Variants in TEAD1 observed in about 807,000 individuals in gnomAD.
TEAD1 encodes the protein transcriptional enhancer factor TEF-1.
In TEAD1, 9 loss-of-function variants were observed where a neutral mutation model predicts 54.9. The observed-to-expected ratio is 0.16, with a 90% CI of 0.10 to 0.29. TEAD1 has a LOEUF of 0.29. Ranked by LOEUF, TEAD1 falls within the 10% of genes least tolerant of loss-of-function variation. The pLI is 1.00. For synonymous variants in TEAD1, 200 were observed against 187.8 expected (o/e 1.07, Z -0.53); for missense variants, 387 against 535.9 (o/e 0.72, Z 2.74).
intron 2 of TEAD1, among the ~76,000 whole-genome samples, chr11:12,724,536 T>C (rs546409259): frequency 6.6e-6 from 1 of 152,334 alleles, no homozygotes; most frequent in East Asian, 1.9e-4. Flanking sequence ...TGATGACTCA[T>C]CCTCTGAATG....
intron 5 of TEAD1, among the ~76,000 whole-genome samples, chr11:12,873,092 T>A (rs556569597): frequency 6.6e-6 from 1 of 152,290 alleles, no homozygotes; most frequent in African/African-American, 2.4e-5. Flanking sequence ...TGGTCCAGGA[T>A]GAGGTTCATT....
At position 12,764,182 on chromosome 11, in the gene TEAD1, T is replaced by A; in HGVS notation, c.-51T>A. 1 of 1,588,192 alleles carries A rather than the reference T, an allele frequency of 6.3e-7. No individual in the cohort carries two copies. The highest frequency in any genetic ancestry group is 1.2e-5 in the South Asian group (1 of 86,886). On this transcript the variant is annotated 5_prime_UTR_variant, in exon 3 of 13. Transcript: ENST00000527636. ...TGTTTTTGGTTTTCTCTTCTAGGTT[T>A]ATTTTCTTGAAAAGGCTCCAGGCTT...
At chr11:12,767,175 C>G (rs989811662) in intron 3 of TEAD1, among the ~76,000 whole-genome samples, 1 of 152,144 alleles carries the variant, frequency 6.6e-6, no homozygotes, top group African/African-American at 2.4e-5. Flanking sequence ...GTTGAGGCCC[C>G]AGCCACTCGA....
intron 3 of TEAD1, among the ~76,000 whole-genome samples, chr11:12,781,867 C>T (rs1423572332): frequency 7.2e-6 from 1 of 139,240 alleles, no homozygotes; most frequent in Non-Finnish European, 1.5e-5. Flanking sequence ...TGGCTCCCAG[C>T]ACTTTGAGAG....
chr11:12,783,031 G>A (rs1564938113), intron 3 of TEAD1, among the ~76,000 whole-genome samples: 1 of 151,904 alleles, frequency 6.6e-6, no homozygotes, highest in African/African-American at 2.4e-5. Context: ...TCACAAAAGA[G>A]TAATCACCGT....
chr11:12,804,247 A>G (rs1477149742), intron 3 of TEAD1, among the ~76,000 whole-genome samples: 1 of 152,210 alleles, frequency 6.6e-6, no homozygotes, highest in East Asian at 1.9e-4. Context: ...CTTTGAATGC[A>G]TTCAGCAGAC....
intron 9 of TEAD1, among the ~76,000 whole-genome samples, chr11:12,895,647 T>A (rs1948300949): frequency 6.6e-6 from 1 of 152,248 alleles, no homozygotes; most frequent in Admixed American, 6.5e-5. Flanking sequence ...AAGATAGTTT[T>A]TGATTGGTGG....
chr11:12,752,847 G>GTTT (rs36003316), intron 2 of TEAD1, among the ~76,000 whole-genome samples: 1 of 147,808 alleles, frequency 6.8e-6, no homozygotes, highest in Admixed American at 6.8e-5. Context: ...ATATGCTACA[G>GTTT]TTTTTTTTTT....
At chr11:12,679,688 TC>T (rs1426336177) in intron 2 of TEAD1, among the ~76,000 whole-genome samples, 2 of 152,212 alleles carry the variant, frequency 1.3e-5, no homozygotes, top group South Asian at 2.1e-4. Context: ...TTATCATAAT[TC>T]AGTTCAGCTC....
chr11:12,924,479 T>G (rs564703171), intron 10 of TEAD1, among the ~76,000 whole-genome samples: 9 of 152,188 alleles, frequency 5.9e-5, no homozygotes, highest in Non-Finnish European at 8.8e-5. Flanking sequence ...CCTCCAGATA[T>G]TCTAATTTTT....
intron 3 of TEAD1, among the ~76,000 whole-genome samples, chr11:12,830,755 CAT>C (rs1946759868): frequency 6.6e-6 from 1 of 151,118 alleles, no homozygotes; most frequent in South Asian, 2.1e-4. Flanking sequence ...CACACACACA[CAT>C]GCACGCACAC....
chr11:12,923,319 C>G (rs915273934), intron 10 of TEAD1, among the ~76,000 whole-genome samples: 5 of 152,134 alleles, frequency 3.3e-5, no homozygotes, highest in Non-Finnish European at 7.3e-5. Flanking sequence ...GCTTCTCTTG[C>G]CTAAGCCTCG....
At chr11:12,862,446 A>G (rs528300352) in intron 4 of TEAD1, 132 bp downstream of exon 4, 283 of 761,144 alleles carry the variant, frequency 3.7e-4, no homozygotes, top group Non-Finnish European at 6.0e-4. Flanking sequence ...TCAGTGTTGG[A>G]GGTATTTTAA....
Position 12,718,998 on chromosome 11 carries a change from T to C in TEAD1, c.-55+43437T>C, listed in dbSNP as rs1944122847. 2.0e-5 allele frequency among the ~76,000 whole-genome samples: 3 copies of C among 151,690 alleles called. No individual in the cohort carries two copies. In the South Asian group the frequency reaches 6.2e-4, roughly 32 times the overall value. ...AAGAGCTTGAAAACTTTGGGGTTTT[T>C]TTTTTAGGGGGGGGAGTCCAAGGGT... On this transcript the variant is annotated intron_variant, in intron 2 of 12. Coordinates refer to ENST00000527636, the MANE Select transcript of TEAD1 (RefSeq NM_021961.6).
chr11:12,853,182 T>C (rs747432175), intron 3 of TEAD1, among the ~76,000 whole-genome samples: 1 of 152,142 alleles, frequency 6.6e-6, no homozygotes, highest in African/African-American at 2.4e-5. Context: ...AAGATTTTCC[T>C]TGGTGGTCTT....
chr11:12,810,232 A>T (rs755552315), intron 3 of TEAD1, among the ~76,000 whole-genome samples: 2 of 151,320 alleles, frequency 1.3e-5, no homozygotes, highest in Non-Finnish European at 2.9e-5. Context: ...GCCCACCTCA[A>T]CCTCCCAAAG....
chr11:12,836,247 T>C (rs959581188), intron 3 of TEAD1, among the ~76,000 whole-genome samples: 24 of 151,838 alleles, frequency 1.6e-4, no homozygotes, highest in East Asian at 7.8e-4. Flanking sequence ...GGTGAAACCC[T>C]GTCTCTACTA....
intron 3 of TEAD1, among the ~76,000 whole-genome samples, chr11:12,842,305 C>G (rs369012935): frequency 3.5e-4 from 53 of 152,100 alleles, no homozygotes; most frequent in African/African-American, 1.2e-3. Context: ...TATTGAAAAC[C>G]CTTACACTGT....
intron 3 of TEAD1, among the ~76,000 whole-genome samples, chr11:12,839,516 G>T (rs1946979427): frequency 6.6e-6 from 1 of 152,228 alleles, no homozygotes; most frequent in African/African-American, 2.4e-5. Flanking sequence ...TGTCCATTCA[G>T]TTAACAGTTA....
Sources: allele counts gnomAD v4.1 joint callset (sites outside exome capture counted in the v4.1 genomes callset), GRCh38; gene constraint gnomAD v4.1.1; transcripts MANE v1.5; gene names NCBI Gene and HGNC (gene_info 2026-07-23, HGNC 2026-07-21).